OR9Q1: variants seen among roughly 807,000 people sequenced by gnomAD.
OR9Q1 encodes the protein olfactory receptor 9Q1.
For synonymous variants in OR9Q1, 153 were observed against 148.6 expected (o/e 1.03, Z -0.22); for missense variants, 374 against 378.8 (o/e 0.99, Z 0.11).
At position 58,179,516 on chromosome 11, in the gene OR9Q1, A is replaced by G. The variant is rs1340813295; in HGVS notation, c.72A>G (p.Ala24=). 1 of 1,608,088 alleles carries G rather than the reference A, an allele frequency of 6.2e-7. No homozygotes were observed. The highest frequency in any genetic ancestry group is 1.7e-5 in the Admixed American group (1 of 59,690). Residue 24 remains alanine (A), a synonymous_variant, in exon 3 of 3, where the codon GCA becomes GCG. Coordinates refer to ENST00000335397, the MANE Select transcript of OR9Q1 (RefSeq NM_001005212.4). Reference sequence around the variant, plus strand: ...CATTCACTGAATATCCTGAATGGGCACTCCCTCTCTTCCTCTTGTTTTTAT... The same window carrying G: ...CATTCACTGAATATCCTGAATGGGCGCTCCCTCTCTTCCTCTTGTTTTTAT... ...LIAFTEYPEW[A]LPLFLLFLFM...
At chr11:58,122,925 ATTT>A (rs939930559) in intron 2 of OR9Q1, among the ~76,000 whole-genome samples, 1 of 149,248 alleles carries the variant, frequency 6.7e-6, no homozygotes, top group Non-Finnish European at 1.5e-5. Flanking sequence ...CATACACCGT[ATTT>A]TTGTGATTTG....
intron 2 of OR9Q1, among the ~76,000 whole-genome samples, chr11:58,092,772 C>T (rs1362313838): frequency 6.6e-6 from 1 of 152,114 alleles, no homozygotes; most frequent in Non-Finnish European, 1.5e-5. Context: ...TTATTTACCA[C>T]AATTTGTGAC....
At chr11:58,024,842 C>T (rs539719965) in intron 1 of OR9Q1, among the ~76,000 whole-genome samples, 2 of 152,266 alleles carry the variant, frequency 1.3e-5, no homozygotes, top group East Asian at 3.9e-4. Context: ...CTCCGAGCTG[C>T]AGGGAAATTA....
intron 2 of OR9Q1, among the ~76,000 whole-genome samples, chr11:58,139,304 T>G (rs1263420179): frequency 6.6e-6 from 1 of 151,954 alleles, no homozygotes; most frequent in Admixed American, 6.6e-5. Flanking sequence ...TTATTATACT[T>G]TAAGTTTTAG....
In OR9Q1 at chr11:58,136,754, A is replaced by G. The variant is rs116509055; in HGVS notation, c.-14-42677A>G. On this transcript the variant is annotated intron_variant, in intron 2 of 2. Transcript: ENST00000335397. ...CCCATTGCAAAATGGACAGAGTTGAAGCTTAGAAGGATCACATTAATGTGT... is the reference window on the plus strand; with the variant it reads ...CCCATTGCAAAATGGACAGAGTTGAGGCTTAGAAGGATCACATTAATGTGT... 2.9e-3 allele frequency among the ~76,000 whole-genome samples: 437 copies of G among 152,266 alleles called. 2 individuals carry two copies. The highest frequency in any genetic ancestry group is 9.4e-3 in the African/African-American group (391 of 41,550).
Position 58,181,256 on chromosome 11 carries a change from A to G in OR9Q1, c.*879A>G, listed in dbSNP as rs1002099516. 9 of 167,098 alleles carry G rather than the reference A, an allele frequency of 5.4e-5. No homozygotes were observed. Among genetic ancestry groups the G allele is most frequent in the Non-Finnish European group, 8.8e-5 (6 of 68,138 alleles). 10.4% of individuals were successfully genotyped at this position (167,098 alleles called of 1,614,324 possible). On this transcript the variant is annotated 3_prime_UTR_variant, in exon 3 of 3. Coordinates refer to ENST00000335397, the MANE Select transcript of OR9Q1 (RefSeq NM_001005212.4). Reference sequence around the variant, plus strand: ...GGCGTCTTCAGTGTCTGTATCATAGACATTGACTCTCTGTGTTCTGAAAGC... The same window carrying G: ...GGCGTCTTCAGTGTCTGTATCATAGGCATTGACTCTCTGTGTTCTGAAAGC...
At chr11:58,055,812 A>AAAAAAAAAAAAG (rs1157332946) in intron 1 of OR9Q1, 58 bp from the exon 2 acceptor site, 4 of 151,532 alleles carry the variant, frequency 2.6e-5, no homozygotes, top group Non-Finnish European at 4.4e-5. Flanking sequence ...AAAAAAAAAA[A>AAAAAAAAAAAAG]ATGCTGGAGG....
intron 2 of OR9Q1, among the ~76,000 whole-genome samples, chr11:58,179,080 A>G (rs1198395211): frequency 6.7e-6 from 1 of 149,138 alleles, no homozygotes; most frequent in Non-Finnish European, 1.5e-5. Flanking sequence ...CAGTGGTGCC[A>G]TCTCGGCTCA....
chr11:58,174,742 C>G (rs1439926528), intron 2 of OR9Q1, among the ~76,000 whole-genome samples: 1 of 150,534 alleles, frequency 6.6e-6, no homozygotes, highest in Non-Finnish European at 1.5e-5. Flanking sequence ...AGGAAAGTAT[C>G]TTAAAGGATA....
At chr11:58,119,008 A>C (rs766031772) in intron 2 of OR9Q1, 2 of 1,613,890 alleles carry the variant, frequency 1.2e-6, no homozygotes, top group Non-Finnish European at 1.7e-6. Context: ...ATAGGCTCCT[A>C]CCACCAGGCT....
At position 58,164,701 on chromosome 11, in the gene OR9Q1, T is replaced by C. The variant is rs1312162805; in HGVS notation, c.-14-14730T>C. 2.0e-5 allele frequency among the ~76,000 whole-genome samples: 3 copies of C among 152,194 alleles called. No individual in the cohort carries two copies. In the East Asian group the frequency reaches 5.8e-4, roughly 29 times the overall value. On this transcript the variant is annotated intron_variant, in intron 2 of 2. Coordinates refer to ENST00000335397, the MANE Select transcript of OR9Q1 (RefSeq NM_001005212.4). ...AAACATTCTCTCGGTAGTCCAACAC[T>C]AGAATTTTGCCATGGCTGCTCTTAA...
intron 2 of OR9Q1, chr11:58,109,093 C>T: frequency 4.1e-6 from 2 of 487,632 alleles, no homozygotes; most frequent in South Asian, 3.0e-5. Flanking sequence ...TGTCATGCTG[C>T]TGCAGGCGAG....
At chr11:58,094,370 C>T (rs529421601) in intron 2 of OR9Q1, among the ~76,000 whole-genome samples, 2 of 152,182 alleles carry the variant, frequency 1.3e-5, no homozygotes, top group African/African-American at 2.4e-5. Flanking sequence ...CTCTAAAAGC[C>T]CCAATTTCAC....
chr11:58,169,379 T>G (rs1854534544), intron 2 of OR9Q1, among the ~76,000 whole-genome samples: 1 of 152,166 alleles, frequency 6.6e-6, no homozygotes, highest in Admixed American at 6.6e-5. Context: ...TTAAATATTA[T>G]CATCCTCTTT....
rs970927613 is a variant in OR9Q1, at chr11:58,050,377, G to A, written c.-92-5493G>A. ...ATTCCCTATTTAATAAATGGTGCTG[G>A]GAAAACTGGCTAGCGATATGTAGAA... is the stretch of plus-strand genomic sequence containing the variant. On this transcript the variant is annotated intron_variant, in intron 1 of 2. Coordinates refer to ENST00000335397, the MANE Select transcript of OR9Q1 (RefSeq NM_001005212.4). Among the ~76,000 whole-genome samples the A allele has an allele frequency of 8.4e-5, 12 of 142,062 alleles. No individual in the cohort carries two copies. The Admixed American group carries it at 8.8e-4, about 10-fold the overall frequency. The allele number at this position is 142,062 out of a possible 152,430, so 93.2% of individuals were successfully genotyped here.
intron 2 of OR9Q1, chr11:58,119,611 A>C (rs910283049): frequency 6.8e-6 from 4 of 586,358 alleles, no homozygotes; most frequent in Non-Finnish European, 1.2e-5. Context: ...TTCCTTGGGC[A>C]TCTCTTGCAT....
intron 2 of OR9Q1, among the ~76,000 whole-genome samples, chr11:58,141,749 C>T (rs540521934): frequency 6.6e-6 from 1 of 152,248 alleles, no homozygotes; most frequent in South Asian, 2.1e-4. Flanking sequence ...ATAGAAATGC[C>T]TGAGTGTGAG....
intron 2 of OR9Q1, chr11:58,108,596 C>T (rs1406655164): frequency 1.2e-5 from 2 of 161,820 alleles, no homozygotes; most frequent in African/African-American, 4.8e-5. Context: ...TGCCCACTTA[C>T]AGGCACTGAA....
intron 2 of OR9Q1, chr11:58,117,774 A>C (rs1272008960): frequency 2.0e-5 from 3 of 152,180 alleles, no homozygotes. Flanking sequence ...AGAGAGCTTG[A>C]GGAGACATTC....
Sources: allele counts gnomAD v4.1 joint callset (sites outside exome capture counted in the v4.1 genomes callset), GRCh38; gene constraint gnomAD v4.1.1; transcripts MANE v1.5; gene names NCBI Gene and HGNC (gene_info 2026-07-23, HGNC 2026-07-21).